The following ACVR2B variants were observed in gnomAD, a reference collection of about 807,000 sequenced individuals.
The protein encoded by ACVR2B is activin A receptor type 2B.
A neutral mutation model predicts 65.1 loss-of-function variants in ACVR2B; 18 were observed. That is an observed-to-expected ratio of 0.28 (90% CI 0.19 to 0.41). The LOEUF (loss-of-function observed/expected upper bound fraction) is 0.41. ACVR2B is among the 10% of genes least tolerant of loss of function. The pLI is 1.00. For synonymous variants in ACVR2B, 298 were observed against 277.7 expected, an observed-to-expected ratio of 1.07 and a Z score of -0.73; for missense variants, 482 against 682.7, an observed-to-expected ratio of 0.71 and a Z score of 3.28.
intron 9 of ACVR2B, 23 bp downstream of exon 9, chr3:38,482,359 GC>G: frequency 6.2e-6 from 10 of 1,609,876 alleles, no homozygotes; most frequent in Non-Finnish European, 8.5e-6. Flanking sequence ...GCAGCCCTGG[GC>G]ATCCTAGATT....
At chr3:38,461,267 G>T (rs1042180848) in intron 1 of ACVR2B, among the ~76,000 whole-genome samples, 1 of 152,130 alleles carries the variant, frequency 6.6e-6, no homozygotes, top group Non-Finnish European at 1.5e-5. Context: ...CCCAGCCTGG[G>T]CTGGCAACCA....
chr3:38,472,674 G>T (rs1320898149), intron 1 of ACVR2B, among the ~76,000 whole-genome samples: 6 of 152,078 alleles, frequency 3.9e-5, no homozygotes, highest in Admixed American at 2.0e-4. Context: ...TGGCTGCTGG[G>T]GTCACAGTTC....
rs1166663952 is a variant in ACVR2B at position 38,477,440 on chromosome 3, C to G, written c.206C>G (p.Thr69Ser). 6.2e-7 allele frequency: 1 copy of G among 1,614,174 alleles called. No individual in the cohort carries two copies. The highest frequency in any genetic ancestry group is 1.1e-5 in the South Asian group (1 of 91,084). ...GCCTCCTGGCGCAACAGCTCTGGCACCATCGAGCTCGTGAAGAAGGGCTGC... is the reference window on the plus strand; with the variant it reads ...GCCTCCTGGCGCAACAGCTCTGGCAGCATCGAGCTCGTGAAGAAGGGCTGC... ...CYASWRNSSG[T>S]IELVKKGCWL... Residue 69 changes from threonine (T) to serine (S), a missense_variant, in exon 2 of 11, where the codon ACC becomes AGC. Physicochemically the swap from Thr to Ser is moderately conservative, Grantham distance 58 (BLOSUM62 1). Coordinates refer to ENST00000352511, the MANE Select transcript of ACVR2B (RefSeq NM_001106.4). This position sits in a 1 kb window ranked among gnomAD's most constrained non-coding sequence, Gnocchi z 6.7.
At chr3:38,470,777 G>C (rs1408881992) in intron 1 of ACVR2B, among the ~76,000 whole-genome samples, 1 of 152,152 alleles carries the variant, frequency 6.6e-6, no homozygotes, top group African/African-American at 2.4e-5. Context: ...TGTTGATTTA[G>C]GCTTTTAGTA....
rs1210719011 is a variant in ACVR2B, at chr3:38,488,690, AT to A, written c.*5359del. The A allele has an allele frequency of 6.6e-6, 1 of 152,204 alleles. No homozygotes were observed. Among genetic ancestry groups the A allele is most frequent in the Non-Finnish European group, 1.5e-5 (1 of 68,050 alleles). The allele number at this position is 152,204 out of a possible 1,614,324, so 9.4% of individuals were successfully genotyped here. A position where few individuals can be genotyped will look rare whatever the true frequency, so the allele number is the denominator to read the frequency against. On this transcript the variant is annotated 3_prime_UTR_variant, in exon 11 of 11. Transcript: ENST00000352511. ...ACTTTTTGATTGTGGTACTTCCTGT[AT>A]CCCCTGTAGTGCCAAAACCAGTGAT...
Position 38,477,758 on chromosome 3 carries a change from T to C in ACVR2B, c.261-103T>C. 1 of 1,242,964 alleles carries C rather than the reference T, an allele frequency of 8.0e-7. No homozygotes were observed. Among genetic ancestry groups the C allele is most frequent in the Admixed American group, 1.7e-5 (1 of 59,530 alleles). The allele number at this position is 1,242,964 out of a possible 1,614,324, so 77.0% of individuals were successfully genotyped here. A position where few individuals can be genotyped will look rare whatever the true frequency, so the allele number is the denominator to read the frequency against. Reference sequence around the variant, plus strand: ...TGAGTTCACACCGTCCCCCTGGTGTTGCCCATGAGGTGCTCTGTCTGTGAG... The same window carrying C: ...TGAGTTCACACCGTCCCCCTGGTGTCGCCCATGAGGTGCTCTGTCTGTGAG... On this transcript the variant is annotated intron_variant, in intron 2 of 10. Transcript: ENST00000352511. The surrounding 1 kb of genome is among the most constrained non-coding windows in gnomAD (Gnocchi z 6.7).
chr3:38,479,547 C>A, intron 6 of ACVR2B, 131 bp from the exon 7 acceptor site: 1 of 1,176,366 alleles, frequency 8.5e-7, no homozygotes, highest in Non-Finnish European at 1.3e-6. Context: ...ATCCATCTTC[C>A]ATATCGATTG....
In ACVR2B at chr3:38,477,498, C is replaced by A. The variant is rs568204380; in HGVS notation, c.260+4C>A. ...ATGACTTCAACTGCTACGATAGGTA[C>A]CCCAAGACTTGCCCTCCTTTCCTCT... On this transcript the variant is annotated splice_donor_region_variant and intron_variant, in intron 2 of 10. Coordinates refer to ENST00000352511, the MANE Select transcript of ACVR2B (RefSeq NM_001106.4). The surrounding 1 kb of genome is among the most constrained non-coding windows in gnomAD (Gnocchi z 6.7). The A allele has an allele frequency of 1.2e-6, 2 of 1,613,576 alleles. No homozygotes were observed. The highest frequency in any genetic ancestry group is 1.1e-5 in the South Asian group (1 of 90,986).
rs148509167 is a variant in ACVR2B at position 38,457,303 on chromosome 3, A to G, written c.52+2929A>G. Reference sequence around the variant, plus strand: ...TTTTGCATTCCATTTTTGTACTGTCATCAAAATCCAGTGTGTGCCTTACAG... The same window carrying G: ...TTTTGCATTCCATTTTTGTACTGTCGTCAAAATCCAGTGTGTGCCTTACAG... On this transcript the variant is annotated intron_variant, in intron 1 of 10. Coordinates refer to ENST00000352511, the MANE Select transcript of ACVR2B (RefSeq NM_001106.4). Among the ~76,000 whole-genome samples, 1,068 of 152,360 alleles carry G rather than the reference A, an allele frequency of 7.0e-3. 8 individuals are homozygous for G. Among genetic ancestry groups the G allele is most frequent in the African/African-American group, 0.025 (1,026 of 41,576 alleles).
In ACVR2B at chr3:38,487,423, T is replaced by C. The variant is rs1461436332; in HGVS notation, c.*4091T>C. ...TTAGACAGCAAAGCACTTCATCCTG[T>C]AGTTGGGCTCTGTCACCTTTCTCTT... On this transcript the variant is annotated 3_prime_UTR_variant, in exon 11 of 11. Coordinates refer to ENST00000352511, the MANE Select transcript of ACVR2B (RefSeq NM_001106.4). The C allele has an allele frequency of 6.6e-6, 1 of 152,290 alleles. No individual in the cohort carries two copies. The highest frequency in any genetic ancestry group is 1.5e-5 in the Non-Finnish European group (1 of 68,100). 9.4% of individuals were successfully genotyped at this position (152,290 alleles called of 1,614,324 possible).
chr3:38,464,480 T>A (rs1709698251), intron 1 of ACVR2B, among the ~76,000 whole-genome samples: 1 of 152,166 alleles, frequency 6.6e-6, no homozygotes, highest in African/African-American at 2.4e-5. Context: ...AAATAAAACT[T>A]CTCTGGTTGA....
intron 1 of ACVR2B, among the ~76,000 whole-genome samples, chr3:38,464,413 A>G (rs1396675070): frequency 6.6e-6 from 1 of 152,234 alleles, no homozygotes; most frequent in Non-Finnish European, 1.5e-5. Flanking sequence ...ATGGAGATGT[A>G]CTTTTCTGAT....
At chr3:38,479,652 TC>T in intron 6 of ACVR2B, 25 bp from the exon 7 acceptor site, 1 of 1,613,780 alleles carries the variant, frequency 6.2e-7, no homozygotes. Context: ...GAATCTGTGC[TC>T]AAGTTCTGTG....
chr3:38,465,729 A>G (rs1709716938), intron 1 of ACVR2B, among the ~76,000 whole-genome samples: 1 of 152,230 alleles, frequency 6.6e-6, no homozygotes, highest in Admixed American at 6.5e-5. Flanking sequence ...ACAGAAGTAA[A>G]GGAGAGAGAA....
At position 38,485,235 on chromosome 3, in the gene ACVR2B, G is replaced by C. The variant is rs1165551677; in HGVS notation, c.*1903G>C. On this transcript the variant is annotated 3_prime_UTR_variant, in exon 11 of 11. Transcript: ENST00000352511. ...ATGTAACTTGATCGGTCAGTGTTCAGAATGACAAGTAACCCCGCTTAAACT... is the reference window on the plus strand; with the variant it reads ...ATGTAACTTGATCGGTCAGTGTTCACAATGACAAGTAACCCCGCTTAAACT... The C allele has an allele frequency of 6.6e-6, 1 of 152,238 alleles. No homozygotes were observed. Among genetic ancestry groups the C allele is most frequent in the Non-Finnish European group, 1.5e-5 (1 of 68,052 alleles). 9.4% of individuals were successfully genotyped at this position (152,238 alleles called of 1,614,324 possible). A position where few individuals can be genotyped will look rare whatever the true frequency, so the allele number is the denominator to read the frequency against.
chr3:38,454,569 C>T, intron 1 of ACVR2B, 195 bp downstream of exon 1: 1 of 417,088 alleles, frequency 2.4e-6, no homozygotes, highest in Non-Finnish European at 3.9e-6. Flanking sequence ...ACGATCTTGT[C>T]TGTGCAGTCA....
intron 1 of ACVR2B, chr3:38,473,384 A>ACTCCTGTGC (rs1709852485): frequency 6.6e-6 from 1 of 152,446 alleles, no homozygotes; most frequent in South Asian, 2.1e-4. Context: ...GCTGGGGGTC[A>ACTCCTGTGC]AGGGGAGCCT....
At position 38,490,728 on chromosome 3, in the gene ACVR2B, C is replaced by A. The variant is rs942370849; in HGVS notation, c.*7396C>A. On this transcript the variant is annotated 3_prime_UTR_variant, in exon 11 of 11. Transcript: ENST00000352511. ...GTTGAACAGTGTCGCCATCTGGGTC[C>A]TCTTGATACTGCAGACTTTTAACGT... 1 of 152,568 alleles carries A rather than the reference C, an allele frequency of 6.6e-6. No individual in the cohort carries two copies. Among genetic ancestry groups the A allele is most frequent in the African/African-American group, 2.4e-5 (1 of 41,420 alleles). The allele number at this position is 152,568 out of a possible 1,614,324, so 9.5% of individuals were successfully genotyped here.
intron 1 of ACVR2B, among the ~76,000 whole-genome samples, chr3:38,469,002 C>T (rs1219777639): frequency 6.6e-6 from 1 of 152,104 alleles, no homozygotes; most frequent in Non-Finnish European, 1.5e-5. Flanking sequence ...GCCTTGTTTA[C>T]AAAGTCCAAG....
Sources: gnomAD v4.1 joint callset for allele counts (sites outside exome capture counted in the v4.1 genomes callset) on GRCh38, gnomAD v4.1.1 for gene constraint, Gnocchi (gnomAD v3.1) non-coding constraint, MANE v1.5 for transcripts, NCBI Gene and HGNC (gene_info 2026-07-23, HGNC 2026-07-21) for gene names.